The following CD86 variants were observed in gnomAD, a reference collection of about 807,000 sequenced individuals.
CD86 encodes the protein CD86 molecule, also known as T-lymphocyte activation antigen CD86.
In CD86, 11 loss-of-function variants were observed where a neutral mutation model predicts 32.1. That is an observed-to-expected ratio of 0.34 (90% CI 0.22 to 0.57). The LOEUF (loss-of-function observed/expected upper bound fraction) is 0.57, where lower values mean the gene tolerates loss of function less well. Among genes scored for constraint, CD86 ranks in the 20% least tolerant of loss-of-function variants. The probability of loss-of-function intolerance (pLI) is 0.86; values close to 1 mark genes in which losing one functional copy is unlikely to be tolerated. For synonymous variants in CD86, 137 were observed against 135.3 expected (o/e 1.01, Z -0.09); for missense variants, 359 against 398.4 (o/e 0.90, Z 0.84).
chr3:122,056,324 G>A (rs2072234421), intron 1 of CD86, among the ~76,000 whole-genome samples: 1 of 152,048 alleles, frequency 6.6e-6, no homozygotes, highest in African/African-American at 2.4e-5. Context: ...CAGTCACTAT[G>A]TATTTATTTA....
chr3:122,086,192 G>A (rs1310601427), intron 1 of CD86, among the ~76,000 whole-genome samples: 4 of 152,168 alleles, frequency 2.6e-5, no homozygotes, highest in African/African-American at 9.7e-5. Context: ...TGTAGCAAAT[G>A]TTTGCCTGAA....
intron 5 of CD86, among the ~76,000 whole-genome samples, chr3:122,115,998 T>C (rs557492254): frequency 5.3e-5 from 8 of 152,184 alleles, no homozygotes; most frequent in Non-Finnish European, 7.4e-5. Flanking sequence ...AGTATGAACC[T>C]AGACACACAC....
intron 1 of CD86, among the ~76,000 whole-genome samples, chr3:122,056,629 C>T (rs1376969574): frequency 4.6e-5 from 7 of 152,168 alleles, no homozygotes; most frequent in Admixed American, 6.5e-5. Context: ...ACCGCGCACC[C>T]GGCCGTCACT....
chr3:122,074,786 G>T (rs1480255176), intron 1 of CD86, among the ~76,000 whole-genome samples: 2 of 152,128 alleles, frequency 1.3e-5, no homozygotes, highest in African/African-American at 4.8e-5. Context: ...GCTTCTACTT[G>T]CAGCCTTGGC....
At chr3:122,079,177 A>G (rs2072595848) in intron 1 of CD86, among the ~76,000 whole-genome samples, 3 of 152,212 alleles carry the variant, frequency 2.0e-5, no homozygotes, top group Non-Finnish European at 4.4e-5. Flanking sequence ...TTTAAAGGGA[A>G]GGAAATTGTT....
At chr3:122,087,811 A>G (rs530317059) in intron 1 of CD86, among the ~76,000 whole-genome samples, 18 of 152,260 alleles carry the variant, frequency 1.2e-4, no homozygotes, top group African/African-American at 3.9e-4. Context: ...GGATAGCTTC[A>G]GAGGACAAAA....
At chr3:122,091,904 C>T in intron 2 of CD86, 2 of 478,708 alleles carry the variant, frequency 4.2e-6, no homozygotes, top group Non-Finnish European at 7.6e-6. Flanking sequence ...ATCAGTGAGC[C>T]TAGATGCTCA....
intron 1 of CD86, among the ~76,000 whole-genome samples, chr3:122,088,397 T>C (rs2072759614): frequency 1.3e-5 from 2 of 152,314 alleles, no homozygotes; most frequent in East Asian, 3.9e-4. Flanking sequence ...GAAGCTCTTT[T>C]ATACATAGAA....
At chr3:122,068,573 G>A (rs543400322) in intron 1 of CD86, among the ~76,000 whole-genome samples, 1 of 152,192 alleles carries the variant, frequency 6.6e-6, no homozygotes, top group Non-Finnish European at 1.5e-5. Context: ...CTCAGATAAA[G>A]ATTGAAAGGA....
At chr3:122,116,061 GA>G (rs2073245791) in intron 5 of CD86, among the ~76,000 whole-genome samples, 1 of 152,096 alleles carries the variant, frequency 6.6e-6, no homozygotes, top group Non-Finnish European at 1.5e-5. Flanking sequence ...AAAGAAAACA[GA>G]GGAGAAAATC....
intron 1 of CD86, among the ~76,000 whole-genome samples, chr3:122,087,318 T>A (rs1233033476): frequency 6.6e-6 from 1 of 152,198 alleles, no homozygotes; most frequent in African/African-American, 2.4e-5. Flanking sequence ...TTCTTTCCTC[T>A]TCCATTCCCC....
At position 122,102,406 on chromosome 3, in the gene CD86, CTTTTTT is replaced by C. The variant is rs1011413952; in HGVS notation, c.65-1084_65-1079del. 1.7e-3 allele frequency among the ~76,000 whole-genome samples: 97 copies of C among 56,150 alleles called. 2 individuals carry two copies. The South Asian group carries it at 0.046, about 27-fold the overall frequency. 36.8% of individuals were successfully genotyped at this position (56,150 alleles called of 152,430 possible). A position where few individuals can be genotyped will look rare whatever the true frequency, so the allele number is the denominator to read the frequency against. Reference sequence around the variant, plus strand: ...CGCACTTCTCACCCACCACTGCTTACTTTTTTTTTTTTTTTTTTTTTTTTTTTGCCA... The same window carrying C: ...CGCACTTCTCACCCACCACTGCTTACTTTTTTTTTTTTTTTTTTTTTGCCA... On this transcript the variant is annotated intron_variant, in intron 2 of 6. Transcript: ENST00000330540.
At chr3:122,109,440 T>C (rs376479342) in intron 5 of CD86, 32 bp downstream of exon 5, 2 of 1,612,650 alleles carry the variant, frequency 1.2e-6, no homozygotes, top group Non-Finnish European at 1.7e-6. Flanking sequence ...CCACAGACTG[T>C]CACTTTGCAC....
intron 1 of CD86, among the ~76,000 whole-genome samples, chr3:122,070,542 C>A (rs938915454): frequency 4.6e-5 from 7 of 152,072 alleles, no homozygotes; most frequent in East Asian, 1.9e-4. Flanking sequence ...TTTTAAAGTA[C>A]AAGTTAAAAT....
intron 1 of CD86, among the ~76,000 whole-genome samples, chr3:122,081,932 A>G (rs1222231377): frequency 1.3e-5 from 2 of 152,200 alleles, no homozygotes; most frequent in African/African-American, 4.8e-5. Context: ...CTCTACCCAG[A>G]CAGGGATCCT....
In CD86 at chr3:122,093,182, C is replaced by T. The variant is rs182424521; in HGVS notation, c.64+1532C>T. ...TTATTTATTTTATTTTTTGAGACAG[C>T]ATCTTTCTCTGTCACCCAGGCTGGA... On this transcript the variant is annotated intron_variant, in intron 2 of 6. Transcript: ENST00000330540. Among the ~76,000 whole-genome samples the T allele has an allele frequency of 3.3e-5, 5 of 152,156 alleles. No homozygotes were observed. In the East Asian group the frequency reaches 9.7e-4, roughly 29 times the overall value.
At position 122,113,039 on chromosome 3, in the gene CD86, T is replaced by C. The variant is rs375112793; in HGVS notation, c.847+3631T>C. ...TCCTCTGAGTCCCCAAAGTCCATTA[T>C]ATTATTCTTATGTCTTTGCATCCTC... On this transcript the variant is annotated intron_variant, in intron 5 of 6. Transcript: ENST00000330540. Among the ~76,000 whole-genome samples, 23 of 152,234 alleles carry C rather than the reference T, an allele frequency of 1.5e-4. No homozygotes were observed. In the East Asian group the frequency reaches 1.7e-3, roughly 11 times the overall value.
Position 122,091,643 on chromosome 3 carries a change from G to A in CD86, c.57G>A (p.Leu19=), listed in dbSNP as rs1417884370. ...ACATTCTCTTTGTGATGGCCTTCCT[G>A]CTCTCTGGTAAGAACCTTTCAGCTT... ...LSNILFVMAF[L]LSGAAPLKIQ... The change falls in exon 2 of 7, where the codon CTG becomes CTA. Residue 19 remains leucine (L), a synonymous_variant. Transcript: ENST00000330540. 2 of 1,612,424 alleles carry A rather than the reference G, an allele frequency of 1.2e-6. No homozygotes were observed. The highest frequency in any genetic ancestry group is 1.7e-6 in the Non-Finnish European group (2 of 1,178,780).
rs35276006 is a variant in CD86 at position 122,103,694 on chromosome 3, A to G, written c.247A>G (p.Met83Val). The G allele has an allele frequency of 8.4e-5, 135 of 1,613,954 alleles. No homozygotes were observed. Among genetic ancestry groups the G allele is most frequent in the Non-Finnish European group, 1.1e-4 (132 of 1,179,950 alleles). The change falls in exon 3 of 7, where the codon ATG becomes GTG. Residue 83 changes from methionine to valine, a missense_variant. Coordinates refer to ENST00000330540, the MANE Select transcript of CD86 (RefSeq NM_175862.5). ...ATTTGACAGTGTTCATTCCAAGTAT[A>G]TGGGCCGCACAAGTTTTGATTCGGA... Reference protein sequence around the residue: ...EKFDSVHSKYMGRTSFDSDSW... With the variant: ...EKFDSVHSKYVGRTSFDSDSW...
Sources: gnomAD v4.1 joint callset for allele counts (sites outside exome capture counted in the v4.1 genomes callset) on GRCh38, gnomAD v4.1.1 for gene constraint, MANE v1.5 for transcripts, NCBI Gene and HGNC (gene_info 2026-07-23, HGNC 2026-07-21) for gene names.